RAB2A: variants seen among roughly 807,000 people sequenced by gnomAD.
The protein encoded by RAB2A is RAB2A, member RAS oncogene family, also known as ras-related protein Rab-2A.
RAB2A carries 7 observed loss-of-function variants against 32.5 expected under a neutral mutation model. The ratio of observed to expected loss-of-function variants is 0.22; its 90% CI spans 0.12 to 0.40. The LOEUF is 0.40. RAB2A is among the 10% of genes least tolerant of loss of function. The pLI is 1.00. For missense variants in RAB2A, 108 were observed against 260.7 expected (o/e 0.41, Z 4.03); for synonymous variants, 79 against 85.2 (o/e 0.93, Z 0.40).
In RAB2A at chr8:60,591,897, T is replaced by C; in HGVS notation, c.402T>C (p.Gly134=). ...GAAGAGAAGTAAAAAAAGAAGAAGG[T>C]GAAGCTTTTGCACGAGAACATGGAC... ...ESRREVKKEE[G]EAFAREHGLI... Residue 134 remains glycine, a synonymous_variant, in exon 6 of 8, where the codon GGT becomes GGC. Coordinates refer to ENST00000262646, the MANE Select transcript of RAB2A (RefSeq NM_002865.3). The C allele has an allele frequency of 6.2e-7, 1 of 1,612,864 alleles. No individual in the cohort carries two copies. Among genetic ancestry groups the C allele is most frequent in the Non-Finnish European group, 8.5e-7 (1 of 1,179,170 alleles).
chr8:60,532,512 G>A (rs1162695760), intron 1 of RAB2A, among the ~76,000 whole-genome samples: 1 of 151,986 alleles, frequency 6.6e-6, no homozygotes, highest in Non-Finnish European at 1.5e-5. Flanking sequence ...TCATAGCTAC[G>A]TGGATTTTTT....
chr8:60,569,405 A>T (rs1808163030), intron 2 of RAB2A, among the ~76,000 whole-genome samples: 1 of 152,168 alleles, frequency 6.6e-6, no homozygotes, highest in East Asian at 1.9e-4. Flanking sequence ...AACATTCTTG[A>T]TGTTTACTTA....
intron 1 of RAB2A, among the ~76,000 whole-genome samples, chr8:60,517,620 A>T (rs1434228062): frequency 6.6e-6 from 1 of 152,022 alleles, no homozygotes; most frequent in Non-Finnish European, 1.5e-5. Flanking sequence ...TCGCGGCCCC[A>T]GGAAAAAGAA....
chr8:60,517,502 C>G (rs1055283622), intron 1 of RAB2A, among the ~76,000 whole-genome samples: 12 of 152,192 alleles, frequency 7.9e-5, no homozygotes, highest in Admixed American at 2.6e-4. Context: ...CCGTTTGCGA[C>G]GCCCGATTCA....
At chr8:60,521,084 A>G (rs1272088992) in intron 1 of RAB2A, among the ~76,000 whole-genome samples, 1 of 152,210 alleles carries the variant, frequency 6.6e-6, no homozygotes, top group Non-Finnish European at 1.5e-5. Context: ...CCAAAGTGCC[A>G]GATTACAAGC....
At chr8:60,601,866 G>T (rs1259220697) in intron 6 of RAB2A, among the ~76,000 whole-genome samples, 1 of 152,186 alleles carries the variant, frequency 6.6e-6, no homozygotes, top group Non-Finnish European at 1.5e-5. Context: ...CAATGAAGTT[G>T]ATAGAGCTGG....
At position 60,534,547 on chromosome 8, in the gene RAB2A, T is replaced by C. The variant is rs554754331; in HGVS notation, c.46+17294T>C. ...GACTTGGTATAACTTATTTGAATAA[T>C]TGTCCACCTAATCAGTAGAATCAGT... is the stretch of plus-strand genomic sequence containing the variant. On this transcript the variant is annotated intron_variant, in intron 1 of 7. Coordinates refer to ENST00000262646, the MANE Select transcript of RAB2A (RefSeq NM_002865.3). Among the ~76,000 whole-genome samples the C allele has an allele frequency of 2.1e-3, 327 of 152,352 alleles. 1 individual carries two copies. The highest frequency in any genetic ancestry group is 6.8e-3 in the Middle Eastern group (2 of 294).
intron 1 of RAB2A, among the ~76,000 whole-genome samples, chr8:60,541,981 GA>G (rs964990378): frequency 1.3e-5 from 2 of 152,108 alleles, no homozygotes; most frequent in Non-Finnish European, 2.9e-5. Flanking sequence ...TTCACAGGCA[GA>G]AAATGTTCAT....
chr8:60,584,841 A>C, intron 5 of RAB2A, 26 bp downstream of exon 5: 1 of 1,514,344 alleles, frequency 6.6e-7, no homozygotes, highest in Non-Finnish European at 9.2e-7. Flanking sequence ...TAGAGCTTAC[A>C]TTGCATTAGT....
chr8:60,519,344 T>G (rs1807265408), intron 1 of RAB2A, among the ~76,000 whole-genome samples: 1 of 148,536 alleles, frequency 6.7e-6, no homozygotes, highest in South Asian at 2.1e-4. Flanking sequence ...TTCCCCACCT[T>G]GCTTCTGCCA....
Position 60,546,336 on chromosome 8 carries a change from G to A in RAB2A, c.47-12516G>A, listed in dbSNP as rs934200455. ...CTTGCGATAGCTGAGAAAATTTGAG[G>A]TGCAAGACTTGACCAACCTTCTCTT... On this transcript the variant is annotated intron_variant, in intron 1 of 7. Coordinates refer to ENST00000262646, the MANE Select transcript of RAB2A (RefSeq NM_002865.3). 2.6e-5 allele frequency among the ~76,000 whole-genome samples: 4 copies of A among 152,180 alleles called. No individual in the cohort carries two copies. In the East Asian group the frequency reaches 7.7e-4, roughly 29 times the overall value.
rs1218890708 is a variant in RAB2A, at chr8:60,517,034, G to T, written c.-174G>T. 1.8e-6 allele frequency: 1 copy of T among 542,804 alleles called. No individual in the cohort carries two copies. Among genetic ancestry groups the T allele is most frequent in the Non-Finnish European group, 3.1e-6 (1 of 319,714 alleles). 33.6% of individuals were successfully genotyped at this position (542,804 alleles called of 1,614,324 possible). A position where few individuals can be genotyped will look rare whatever the true frequency, so the allele number is the denominator to read the frequency against. On this transcript the variant is annotated 5_prime_UTR_variant, in exon 1 of 8. Transcript: ENST00000262646. ...GGCGCTGTCTCCCTCGGCTCTGCGG[G>T]TGTCAGTTCGTCCGGCTTCCTCACA...
intron 1 of RAB2A, among the ~76,000 whole-genome samples, chr8:60,553,317 C>T (rs940244483): frequency 7.2e-5 from 11 of 152,184 alleles, no homozygotes; most frequent in African/African-American, 2.4e-4. Flanking sequence ...ATTATTTCTT[C>T]TCTCTAGGAA....
chr8:60,601,735 G>A lies in RAB2A; in HGVS notation c.474+9766G>A, dbSNP rs188497879. 2.2e-3 allele frequency among the ~76,000 whole-genome samples: 332 copies of A among 152,300 alleles called. 6 individuals are homozygous for A. The highest frequency in any genetic ancestry group is 1.4e-3 in the Non-Finnish European group (95 of 68,022). On this transcript the variant is annotated intron_variant, in intron 6 of 7. Coordinates refer to ENST00000262646, the MANE Select transcript of RAB2A (RefSeq NM_002865.3). ...GAAAGTCCTGGTTAGAAGAAAAACC[G>A]CATTCATTCACAATGTCCACATGAC... is the stretch of plus-strand genomic sequence containing the variant.
chr8:60,547,363 C>T (rs900568740), intron 1 of RAB2A, among the ~76,000 whole-genome samples: 1 of 152,346 alleles, frequency 6.6e-6, no homozygotes, highest in African/African-American at 2.4e-5. Context: ...CCTTTCTATT[C>T]CACAAAACCG....
At chr8:60,530,259 C>T (rs2130809922) in intron 1 of RAB2A, among the ~76,000 whole-genome samples, 1 of 151,658 alleles carries the variant, frequency 6.6e-6, no homozygotes, top group East Asian at 1.9e-4. Context: ...AGCCGTTCTG[C>T]CTCAGCCTCT....
intron 2 of RAB2A, among the ~76,000 whole-genome samples, chr8:60,564,151 A>G (rs1222782420): frequency 1.3e-5 from 2 of 152,174 alleles, no homozygotes; most frequent in African/African-American, 2.4e-5. Context: ...TTAAGCAGAC[A>G]TCTTTGCTAT....
At chr8:60,560,952 A>G (rs1808013828) in intron 2 of RAB2A, among the ~76,000 whole-genome samples, 1 of 152,162 alleles carries the variant, frequency 6.6e-6, no homozygotes, top group Non-Finnish European at 1.5e-5. Context: ...GCGTCACACT[A>G]TGTTTGCTAA....
At chr8:60,548,608 A>C in intron 1 of RAB2A, among the ~76,000 whole-genome samples, 1 of 137,294 alleles carries the variant, frequency 7.3e-6, no homozygotes, top group Non-Finnish European at 1.6e-5. Context: ...GGCGCCCCTC[A>C]CTTCCCGGAT....
Sources: allele counts gnomAD v4.1 joint callset (sites outside exome capture counted in the v4.1 genomes callset), GRCh38; gene constraint gnomAD v4.1.1; transcripts MANE v1.5; gene names NCBI Gene and HGNC (gene_info 2026-07-23, HGNC 2026-07-21).